The following AGAP2 variants were observed in gnomAD, a reference collection of about 807,000 sequenced individuals.
The protein encoded by AGAP2 is arf-GAP with GTPase, ANK repeat and PH domain-containing protein 2.
A neutral mutation model predicts 110.9 loss-of-function variants in AGAP2; 32 were observed. That is an observed-to-expected ratio of 0.29 (90% confidence interval 0.22 to 0.39). AGAP2 has a LOEUF of 0.39. Ranked by LOEUF, AGAP2 falls within the 10% of genes least tolerant of loss-of-function variation. The probability of loss-of-function intolerance (pLI) is 1.00; values close to 1 mark genes in which losing one functional copy is unlikely to be tolerated. For missense variants in AGAP2, 1,285 were observed against 1,638.5 expected (o/e 0.78, Z 3.72); for synonymous variants, 702 against 713.0 (o/e 0.98, Z 0.25).
chr12:57,738,379 T>C lies in AGAP2; in HGVS notation c.-133A>G, dbSNP rs1955032126. ...CGCTGAGCCCCCGGCCCGGCTCCGC[T>C]GTCGCCGCCGCCTCCGCCGCCTCCG... On this transcript the variant is annotated 5_prime_UTR_variant, in exon 1 of 19. Coordinates refer to ENST00000547588, the MANE Select transcript of AGAP2 (RefSeq NM_001122772.3). The surrounding 1 kb of genome is among the most constrained non-coding windows in gnomAD (Gnocchi z 6.7). 2.6e-6 allele frequency: 3 copies of C among 1,153,388 alleles called. No homozygotes were observed. The highest frequency in any genetic ancestry group is 3.8e-5 in the East Asian group (1 of 26,222). The allele number at this position is 1,153,388 out of a possible 1,614,324, so 71.4% of individuals were successfully genotyped here. A position where few individuals can be genotyped will look rare whatever the true frequency, so the allele number is the denominator to read the frequency against.
At position 57,738,135 on chromosome 12, in the gene AGAP2, C is replaced by A; in HGVS notation, c.112G>T (p.Ala38Ser). ...PPPPPSPSAA[A>S]AGAAGARGSE... ...CCTCTGGCACCGGCGGCGCCGGCCG[C>A]GGCCGCAGACGGAGAAGGCGGCGGC... Residue 38 changes from alanine to serine, a missense_variant, in exon 1 of 19, where the codon GCG (alanine) becomes TCG (serine). Ala to Ser is a moderately conservative substitution (Grantham distance 99, BLOSUM62 1). Coordinates refer to ENST00000547588, the MANE Select transcript of AGAP2 (RefSeq NM_001122772.3). This position sits in a 1 kb window ranked among gnomAD's most constrained non-coding sequence, Gnocchi z 6.7. The A allele has an allele frequency of 6.6e-7, 1 of 1,520,728 alleles. No individual in the cohort carries two copies. The highest frequency in any genetic ancestry group is 8.8e-7 in the Non-Finnish European group (1 of 1,139,636). 94.2% of individuals were successfully genotyped at this position (1,520,728 alleles called of 1,614,324 possible).
At chr12:57,727,259 T>C in intron 17 of AGAP2, 30 bp from the exon 18 acceptor site, 1 of 1,612,332 alleles carries the variant, frequency 6.2e-7, no homozygotes, top group Non-Finnish European at 8.5e-7. Flanking sequence ...CGGAAAAGGC[T>C]CTAGGGACCC....
At chr12:57,736,016 C>G (rs996104094) in intron 1 of AGAP2, among the ~76,000 whole-genome samples, 4 of 152,240 alleles carry the variant, frequency 2.6e-5, no homozygotes, top group Non-Finnish European at 5.9e-5. Flanking sequence ...CACAAACGCC[C>G]TCCAAAAGAA....
chr12:57,729,780 GAC>G lies in AGAP2; in HGVS notation c.2429-15_2429-14del. On this transcript the variant is annotated splice_polypyrimidine_tract_variant and intron_variant, in intron 12 of 18. Coordinates refer to ENST00000547588, the MANE Select transcript of AGAP2 (RefSeq NM_001122772.3). ...GATGGGGTACAGTCTTAGGGAGGAA[GAC>G]ACAGCTGCCTCAGTAGCCCCCTCCA... The G allele has an allele frequency of 6.3e-7, 1 of 1,593,612 alleles. No homozygotes were observed. Among genetic ancestry groups the G allele is most frequent in the African/African-American group, 1.4e-5 (1 of 73,852 alleles).
chr12:57,731,038 G>T, intron 10 of AGAP2, 85 bp from the exon 11 acceptor site: 1 of 1,379,154 alleles, frequency 7.3e-7, no homozygotes, highest in South Asian at 1.5e-5. Flanking sequence ...AGAATAGAGA[G>T]GGACTGGGGA....
At chr12:57,724,764 T>C (rs1231357127), downstream of AGAP2, 1 of 152,168 alleles carries the variant, frequency 6.6e-6, no homozygotes, top group Non-Finnish European at 1.5e-5. Flanking sequence ...TCTGAACAGA[T>C]ACTGTTCAGA....
intron 7 of AGAP2, 126 bp from the exon 8 acceptor site, chr12:57,732,093 A>G: frequency 8.7e-7 from 1 of 1,154,514 alleles, no homozygotes; most frequent in Non-Finnish European, 1.2e-6. Flanking sequence ...TGTTGTCATT[A>G]ATAATTTTTA....
downstream of AGAP2, chr12:57,724,839 A>G (rs1954735040): frequency 6.6e-6 from 1 of 152,474 alleles, no homozygotes; most frequent in South Asian, 2.1e-4. Flanking sequence ...TTTCAAAATC[A>G]GATCTGTCTC....
chr12:57,741,147 G>A (rs941154218), upstream of AGAP2, among the ~76,000 whole-genome samples: 1 of 152,218 alleles, frequency 6.6e-6, no homozygotes, highest in African/African-American at 2.4e-5. Flanking sequence ...TGTGGATGGA[G>A]AGAAGCTGTT....
intron 8 of AGAP2, 53 bp from the exon 9 acceptor site, chr12:57,731,695 T>G (rs779693589): frequency 1.2e-6 from 2 of 1,610,854 alleles, no homozygotes; most frequent in Non-Finnish European, 1.7e-6. Context: ...TACACTGATG[T>G]GACGATAGGG....
In AGAP2 at chr12:57,738,279, G is replaced by T; in HGVS notation, c.-33C>A. On this transcript the variant is annotated 5_prime_UTR_variant, in exon 1 of 19. Coordinates refer to ENST00000547588, the MANE Select transcript of AGAP2 (RefSeq NM_001122772.3). This position sits in a 1 kb window ranked among gnomAD's most constrained non-coding sequence, Gnocchi z 6.7. ...GGAGACCCCCGAGCTGGGGAGGGGAGGGGACTCCCCCGGACTGCCTCAGGG... is the reference window on the plus strand; with the variant it reads ...GGAGACCCCCGAGCTGGGGAGGGGATGGGACTCCCCCGGACTGCCTCAGGG... 1.3e-6 allele frequency: 2 copies of T among 1,485,202 alleles called. No individual in the cohort carries two copies. The highest frequency in any genetic ancestry group is 1.8e-6 in the Non-Finnish European group (2 of 1,122,392). 92.0% of individuals were successfully genotyped at this position (1,485,202 alleles called of 1,614,324 possible).
Position 57,738,413 on chromosome 12 carries a change from C to T in AGAP2, c.-167G>A, listed in dbSNP as rs1955032810. ...CGCCTCCGCCGCCTCCGCTTGCGCC[C>T]CCCTCCCATCACATGGGGCGCCCCC... On this transcript the variant is annotated 5_prime_UTR_variant, in exon 1 of 19. Transcript: ENST00000547588. The surrounding 1 kb of genome is among the most constrained non-coding windows in gnomAD (Gnocchi z 6.7). 1.4e-6 allele frequency: 1 copy of T among 698,190 alleles called. No individual in the cohort carries two copies. The highest frequency in any genetic ancestry group is 1.9e-5 in the African/African-American group (1 of 51,686). 43.2% of individuals were successfully genotyped at this position (698,190 alleles called of 1,614,324 possible).
chr12:57,730,124 A>ATAT (rs1555198532), intron 12 of AGAP2, among the ~76,000 whole-genome samples: 79 of 151,278 alleles, frequency 5.2e-4, no homozygotes, highest in Non-Finnish European at 6.5e-4. Flanking sequence ...ATATATATAT[A>ATAT]TTTTTTTTCA....
At chr12:57,728,752 CTGAGA>C (rs1237427855) in intron 13 of AGAP2, among the ~76,000 whole-genome samples, 1 of 151,906 alleles carries the variant, frequency 6.6e-6, no homozygotes, top group Non-Finnish European at 1.5e-5. Flanking sequence ...GGGCGCAGGG[CTGAGA>C]TGAGAGGGCC....
rs115877550 is a variant in AGAP2 at position 57,727,297 on chromosome 12, G to C, written c.3080+63C>G. 3.7e-4 allele frequency: 602 copies of C among 1,609,796 alleles called. 1 individual carries two copies. In the African/African-American group the frequency reaches 7.0e-3, roughly 19 times the overall value. On this transcript the variant is annotated intron_variant, in intron 17 of 18. Transcript: ENST00000547588. The stretch of plus-strand genomic sequence containing the variant: ...AGCCAGGACTTCTGCCCCTACCCAC[G>C]GGACCGTCTCAGGTTCGCACACCCT...
intron 13 of AGAP2, 122 bp from the exon 14 acceptor site, chr12:57,728,499 C>G (rs1954818865): frequency 9.7e-7 from 1 of 1,026,094 alleles, no homozygotes; most frequent in Admixed American, 2.2e-5. Flanking sequence ...TGACAGAGTG[C>G]CAGAGACAAA....
At chr12:57,732,372 C>T (rs1441565589) in intron 7 of AGAP2, 31 bp downstream of exon 7, 1 of 1,550,082 alleles carries the variant, frequency 6.5e-7, no homozygotes, top group East Asian at 2.4e-5. Context: ...ATCTTACCGG[C>T]CCCTCTGCAG....
At position 57,729,782 on chromosome 12, in the gene AGAP2, C is replaced by T. The variant is rs1954849905; in HGVS notation, c.2429-15G>A. On this transcript the variant is annotated splice_polypyrimidine_tract_variant and intron_variant, in intron 12 of 18. Coordinates refer to ENST00000547588, the MANE Select transcript of AGAP2 (RefSeq NM_001122772.3). The stretch of plus-strand genomic sequence containing the variant: ...TGGGGTACAGTCTTAGGGAGGAAGA[C>T]ACAGCTGCCTCAGTAGCCCCCTCCA... The T allele has an allele frequency of 3.8e-6, 6 of 1,592,332 alleles. No homozygotes were observed. Among genetic ancestry groups the T allele is most frequent in the Non-Finnish European group, 5.1e-6 (6 of 1,171,318 alleles).
At chr12:57,734,280 G>A (rs113692574) in intron 4 of AGAP2, 39 bp downstream of exon 4, 5 of 1,613,600 alleles carry the variant, frequency 3.1e-6, no homozygotes, top group Non-Finnish European at 3.4e-6. Context: ...GGCCAGTGCT[G>A]ACCCCAGCCA....
Sources: gnomAD v4.1 joint callset for allele counts (sites outside exome capture counted in the v4.1 genomes callset) on GRCh38, gnomAD v4.1.1 for gene constraint, Gnocchi (gnomAD v3.1) non-coding constraint, MANE v1.5 for transcripts, NCBI Gene and HGNC (gene_info 2026-07-23, HGNC 2026-07-21) for gene names.